ARHGAP26: variants seen among roughly 807,000 people sequenced by gnomAD.
ARHGAP26 encodes Rho GTPase activating protein 26.
ARHGAP26 carries 38 observed loss-of-function variants against 104.8 expected under a neutral mutation model. That is an observed-to-expected ratio of 0.36 (90% confidence interval 0.28 to 0.48). ARHGAP26 has a LOEUF of 0.48. Ranked by LOEUF, ARHGAP26 falls within the 20% of genes least tolerant of loss-of-function variation. The probability of loss-of-function intolerance (pLI) is 0.99; values close to 1 mark genes in which losing one functional copy is unlikely to be tolerated. For missense variants in ARHGAP26, 704 were observed against 947.9 expected, an observed-to-expected ratio of 0.74 and a Z score of 3.38; for synonymous variants, 341 against 340.0, an observed-to-expected ratio of 1.00 and a Z score of -0.03.
In ARHGAP26 at chr5:142,794,178, T is replaced by C. The variant is rs78450620; in HGVS notation, c.154+23263T>C. 5.7e-3 allele frequency among the ~76,000 whole-genome samples: 871 copies of C among 152,316 alleles called. 18 individuals carry two copies. In the East Asian group the frequency reaches 0.063, roughly 11 times the overall value. ...TTTCCTTCACATTGGTGGGATGACT[T>C]GGCCAAGATTTTGAAGGGAAGCCCT... On this transcript the variant is annotated intron_variant, in intron 1 of 22. Transcript: ENST00000645722.
At position 143,115,358 on chromosome 5, in the gene ARHGAP26, C is replaced by T. The variant is rs201674493; in HGVS notation, c.1539-5630C>T. On this transcript the variant is annotated intron_variant, in intron 17 of 22. Coordinates refer to ENST00000645722, the MANE Select transcript of ARHGAP26 (RefSeq NM_001135608.3). Reference sequence around the variant, plus strand: ...CAAAAACAACAACAACAACAAAAAACGAAAGAAAGAAAAGACGTACTATTA... The same window carrying T: ...CAAAAACAACAACAACAACAAAAAATGAAAGAAAGAAAAGACGTACTATTA... Among the ~76,000 whole-genome samples the T allele has an allele frequency of 3.4e-3, 507 of 151,182 alleles. 15 individuals are homozygous for T. In the East Asian group the frequency reaches 0.069, roughly 21 times the overall value.
chr5:143,028,770 T>C (rs1781432031), intron 12 of ARHGAP26, among the ~76,000 whole-genome samples: 1 of 152,208 alleles, frequency 6.6e-6, no homozygotes, highest in African/African-American at 2.4e-5. Flanking sequence ...TTATAGCTCA[T>C]TCAGTTTCCA....
intron 12 of ARHGAP26, 22 bp from the exon 13 acceptor site, chr5:143,037,174 T>C (rs760349870): frequency 1.3e-6 from 2 of 1,587,256 alleles, no homozygotes; most frequent in East Asian, 2.3e-5. Context: ...GCAACTTGAC[T>C]GTCCTTCTCT....
Position 143,101,856 on chromosome 5 carries a change from CT to C in ARHGAP26, c.1539-19117del, listed in dbSNP as rs572646417. ...GAAAGTTCGTCATATGACATAAAAG[CT>C]TTTTTTTTTTTTTTCTTCCATAATG... is the stretch of plus-strand genomic sequence containing the variant. On this transcript the variant is annotated intron_variant, in intron 17 of 22. Coordinates refer to ENST00000645722, the MANE Select transcript of ARHGAP26 (RefSeq NM_001135608.3). Among the ~76,000 whole-genome samples the C allele has an allele frequency of 5.6e-3, 781 of 138,732 alleles. 3 individuals are homozygous for C. The highest frequency in any genetic ancestry group is 0.015 in the Middle Eastern group (4 of 268). 91.0% of individuals were successfully genotyped at this position (138,732 alleles called of 152,430 possible).
At chr5:143,195,207 T>C (rs1203629649) in intron 20 of ARHGAP26, among the ~76,000 whole-genome samples, 3 of 152,238 alleles carry the variant, frequency 2.0e-5, no homozygotes, top group Non-Finnish European at 4.4e-5. Flanking sequence ...AGAGTTTAAC[T>C]TAATCATCCT....
chr5:143,026,541 T>C (rs1371331058), intron 12 of ARHGAP26, among the ~76,000 whole-genome samples: 4 of 152,078 alleles, frequency 2.6e-5, no homozygotes, highest in African/African-American at 7.2e-5. Flanking sequence ...GTGACCAACA[T>C]GTGCAGAGGC....
chr5:142,897,853 A>G (rs1759695846), intron 6 of ARHGAP26, among the ~76,000 whole-genome samples: 1 of 152,192 alleles, frequency 6.6e-6, no homozygotes, highest in African/African-American at 2.4e-5. Context: ...GAAGGGTCTG[A>G]CTTTTCATCT....
chr5:142,986,525 A>G (rs1774761161), intron 11 of ARHGAP26, among the ~76,000 whole-genome samples: 2 of 151,936 alleles, frequency 1.3e-5, no homozygotes, highest in Non-Finnish European at 2.9e-5. Flanking sequence ...CCCATTTGTC[A>G]ATTTTGGCTT....
At chr5:142,877,220 C>G (rs937318979) in intron 3 of ARHGAP26, among the ~76,000 whole-genome samples, 9 of 152,202 alleles carry the variant, frequency 5.9e-5, no homozygotes, top group African/African-American at 1.9e-4. Context: ...AGCCCCTTCT[C>G]TACCTCCTTG....
intron 11 of ARHGAP26, among the ~76,000 whole-genome samples, chr5:142,953,012 A>G (rs1768633555): frequency 2.0e-5 from 3 of 152,138 alleles, no homozygotes; most frequent in Middle Eastern, 3.4e-3. Context: ...CCCGGCCCCA[A>G]CTGTGCTTTT....
rs1809933252 is a variant in ARHGAP26 at position 143,214,022 on chromosome 5, T to C, written c.2125T>C (p.Leu709=). The C allele has an allele frequency of 5.6e-6, 9 of 1,597,494 alleles. No individual in the cohort carries two copies. Among genetic ancestry groups the C allele is most frequent in the Non-Finnish European group, 7.7e-6 (9 of 1,168,962 alleles). ...CACACCGTTCCGGAAGGCAAAAGCC[T>C]TGTATGCCTGCAAAGCTGAACATGA... is the stretch of plus-strand genomic sequence containing the variant. ...VSTPFRKAKA[L]YACKAEHDSE... is the part of the protein sequence containing the mutation. Residue 709 remains leucine, a synonymous_variant, in exon 22 of 23, where the codon TTG becomes CTG. Transcript: ENST00000645722.
At chr5:142,995,777 G>T (rs1256859325) in intron 11 of ARHGAP26, among the ~76,000 whole-genome samples, 1 of 152,184 alleles carries the variant, frequency 6.6e-6, no homozygotes, top group South Asian at 2.1e-4. Context: ...GCTCATCAAT[G>T]ATAGACTGGA....
chr5:142,907,450 C>G (rs1042261393), intron 8 of ARHGAP26: 10 of 232,394 alleles, frequency 4.3e-5, no homozygotes, highest in Non-Finnish European at 7.6e-5. Flanking sequence ...ATTTTAAGAC[C>G]CACTGGATGT....
At chr5:142,790,230 G>C (rs1346534460) in intron 1 of ARHGAP26, among the ~76,000 whole-genome samples, 1 of 152,188 alleles carries the variant, frequency 6.6e-6, no homozygotes, top group Non-Finnish European at 1.5e-5. Context: ...AGAGGGTAGA[G>C]GCAACTTTAG....
chr5:143,105,873 T>C (rs1482642452), intron 17 of ARHGAP26, among the ~76,000 whole-genome samples: 1 of 152,244 alleles, frequency 6.6e-6, no homozygotes, highest in Non-Finnish European at 1.5e-5. Context: ...TGTTTTTAAG[T>C]ACCAATTTTT....
intron 11 of ARHGAP26, among the ~76,000 whole-genome samples, chr5:143,013,428 T>C (rs1378419743): frequency 6.6e-6 from 1 of 152,248 alleles, no homozygotes; most frequent in Non-Finnish European, 1.5e-5. Context: ...TTTTTCTTTA[T>C]TGGGGTACTT....
chr5:143,043,604 G>T (rs1783785266), intron 14 of ARHGAP26, among the ~76,000 whole-genome samples: 2 of 152,158 alleles, frequency 1.3e-5, no homozygotes, highest in South Asian at 4.1e-4. Context: ...GTCAATTTTT[G>T]AGAATTTCTA....
chr5:142,988,276 A>G (rs1236513165), intron 11 of ARHGAP26, among the ~76,000 whole-genome samples: 2 of 152,104 alleles, frequency 1.3e-5, no homozygotes, highest in South Asian at 2.1e-4. Flanking sequence ...GTTTATTTGC[A>G]TAGAGGTGTT....
chr5:143,163,006 A>G (rs532986122), intron 20 of ARHGAP26, among the ~76,000 whole-genome samples: 1 of 152,190 alleles, frequency 6.6e-6, no homozygotes, highest in East Asian at 1.9e-4. Context: ...GGTCCCATCT[A>G]CTTGGGAGGC....
Sources: allele counts gnomAD v4.1 joint callset (sites outside exome capture counted in the v4.1 genomes callset), GRCh38; gene constraint gnomAD v4.1.1; transcripts MANE v1.5; gene names NCBI Gene and HGNC (gene_info 2026-07-23, HGNC 2026-07-21).